Variants in FAP observed in about 807,000 individuals in gnomAD.
The protein encoded by FAP is prolyl endopeptidase FAP.
FAP carries 110 observed loss-of-function variants against 126.5 expected under a neutral mutation model. That is an observed-to-expected ratio of 0.87 (90% confidence interval 0.74 to 1.02). FAP has a LOEUF of 1.02. Ranked by LOEUF, FAP falls within the 50% of genes least tolerant of loss-of-function variation. The pLI is 0.00. For missense variants in FAP, 919 were observed against 909.2 expected (o/e 1.01, Z -0.14); for synonymous variants, 334 against 297.3 (o/e 1.12, Z -1.27).
At chr2:162,211,764 A>G (rs992149641) in intron 11 of FAP, among the ~76,000 whole-genome samples, 1 of 152,212 alleles carries the variant, frequency 6.6e-6, no homozygotes, top group Non-Finnish European at 1.5e-5. Context: ...TCCCCTAACT[A>G]TAAATTTCTT....
intron 2 of FAP, among the ~76,000 whole-genome samples, chr2:162,233,730 C>T (rs1689991621): frequency 6.6e-6 from 1 of 151,888 alleles, no homozygotes. Flanking sequence ...TGATGAAGTC[C>T]AATTTATGTA....
rs1213733070 is a variant in FAP at position 162,183,413 on chromosome 2, C to T, written c.1869+1G>A. ...GGCATAAAAAATATAAAACAACTCACCCAGCCCCATATGGCTATTCTTTTT... is the reference window on the plus strand; with the variant it reads ...GGCATAAAAAATATAAAACAACTCATCCAGCCCCATATGGCTATTCTTTTT... On this transcript the variant is annotated splice_donor_variant, in intron 21 of 25. Transcript: ENST00000188790. LOFTEE classifies it high-confidence loss of function. The T allele has an allele frequency of 1.2e-6, 2 of 1,607,696 alleles. No individual in the cohort carries two copies. Among genetic ancestry groups the T allele is most frequent in the Non-Finnish European group, 1.7e-6 (2 of 1,175,690 alleles).
chr2:162,191,766 A>G (rs1041589167), intron 17 of FAP, among the ~76,000 whole-genome samples: 1 of 152,104 alleles, frequency 6.6e-6, no homozygotes, highest in Non-Finnish European at 1.5e-5. Context: ...TCTGTGCCCA[A>G]AGCAACTAAG....
At chr2:162,213,867 G>T in intron 11 of FAP, 71 bp downstream of exon 11, 1 of 1,452,218 alleles carries the variant, frequency 6.9e-7, no homozygotes. Flanking sequence ...TAAAATGTTA[G>T]CTATGGATGA....
chr2:162,181,291 A>G (rs1559762416), intron 21 of FAP, among the ~76,000 whole-genome samples: 1 of 152,122 alleles, frequency 6.6e-6, no homozygotes, highest in Non-Finnish European at 1.5e-5. Flanking sequence ...AAGAAAAAAA[A>G]TAAAAAAGGT....
intron 20 of FAP, among the ~76,000 whole-genome samples, chr2:162,186,784 GT>G (rs1320803626): frequency 6.6e-6 from 1 of 151,960 alleles, no homozygotes; most frequent in African/African-American, 2.4e-5. Flanking sequence ...GCTAAAAAAA[GT>G]CCCCCATGGA....
Position 162,240,269 on chromosome 2 carries a change from A to C in FAP, c.91+2639T>G, listed in dbSNP as rs144209967. Reference sequence around the variant, plus strand: ...TCGAAAAAAGTTTTTCCTTATAGTTAATATTTTGTAAGTGAGCTAAATGGA... The same window carrying C: ...TCGAAAAAAGTTTTTCCTTATAGTTCATATTTTGTAAGTGAGCTAAATGGA... On this transcript the variant is annotated intron_variant, in intron 2 of 25. Coordinates refer to ENST00000188790, the MANE Select transcript of FAP (RefSeq NM_004460.5). Among the ~76,000 whole-genome samples the C allele has an allele frequency of 1.5e-4, 23 of 152,354 alleles. No individual in the cohort carries two copies. In the East Asian group the frequency reaches 4.2e-3, roughly 28 times the overall value.
chr2:162,215,380 A>G (rs902401555), intron 10 of FAP, among the ~76,000 whole-genome samples: 7 of 152,248 alleles, frequency 4.6e-5, no homozygotes, highest in Non-Finnish European at 7.3e-5. Flanking sequence ...TCAGACAATC[A>G]GACATAGGGC....
Position 162,211,062 on chromosome 2 carries a change from T to C in FAP, c.1003-1066A>G, listed in dbSNP as rs575628611. On this transcript the variant is annotated intron_variant, in intron 11 of 25. Coordinates refer to ENST00000188790, the MANE Select transcript of FAP (RefSeq NM_004460.5). ...CAGGAAATGTATTTCCCAGCCTTCC[T>C]TCAGTTGACCGTGGTTATTTGATAA... 1.1e-4 allele frequency among the ~76,000 whole-genome samples: 16 copies of C among 152,312 alleles called. No homozygotes were observed. The East Asian group carries it at 2.9e-3, about 28-fold the overall frequency.
In FAP at chr2:162,194,588, C is replaced by G. The variant is rs146720863; in HGVS notation, c.1450+113G>C. 5.2e-4 allele frequency: 443 copies of G among 854,346 alleles called. 2 individuals are homozygous for G. The African/African-American group carries it at 6.5e-3, about 13-fold the overall frequency. 52.9% of individuals were successfully genotyped at this position (854,346 alleles called of 1,614,324 possible). A position where few individuals can be genotyped will look rare whatever the true frequency, so the allele number is the denominator to read the frequency against. On this transcript the variant is annotated intron_variant, in intron 17 of 25. Transcript: ENST00000188790. ...TAATAAGTGATGTGATAACAGGATT[C>G]CATCGCAGTTCCCCTTGGTGGTGTG...
intron 17 of FAP, among the ~76,000 whole-genome samples, chr2:162,190,249 T>A (rs1013292812): frequency 6.6e-6 from 1 of 152,096 alleles, no homozygotes; most frequent in African/African-American, 2.4e-5. Flanking sequence ...TTTTAAAATC[T>A]TTCTTTCTTA....
At chr2:162,226,265 G>A (rs1689641757) in intron 3 of FAP, among the ~76,000 whole-genome samples, 1 of 152,088 alleles carries the variant, frequency 6.6e-6, no homozygotes, top group African/African-American at 2.4e-5. Context: ...GATTACAGAA[G>A]TTCAAATTAT....
intron 11 of FAP, among the ~76,000 whole-genome samples, chr2:162,212,907 T>C (rs532820120): frequency 1.3e-5 from 2 of 152,202 alleles, no homozygotes; most frequent in Non-Finnish European, 2.9e-5. Context: ...CAGATTATGT[T>C]TGAGTTTGAG....
At chr2:162,227,107 T>C (rs1189367899) in intron 2 of FAP, among the ~76,000 whole-genome samples, 1 of 152,186 alleles carries the variant, frequency 6.6e-6, no homozygotes, top group Non-Finnish European at 1.5e-5. Context: ...ATCAATGATG[T>C]ATTTTAGCAT....
At chr2:162,237,734 G>A (rs560674879) in intron 2 of FAP, among the ~76,000 whole-genome samples, 1 of 152,280 alleles carries the variant, frequency 6.6e-6, no homozygotes, top group African/African-American at 2.4e-5. Context: ...GGATGGCTGG[G>A]TCAAATGGTA....
At chr2:162,226,658 A>G in intron 2 of FAP, 37 bp from the exon 3 acceptor site, 1 of 1,112,432 alleles carries the variant, frequency 9.0e-7, no homozygotes, top group Non-Finnish European at 1.3e-6. Context: ...TATTAAAAAG[A>G]AGGTTAACAA....
chr2:162,188,076 A>C (rs960347409), intron 20 of FAP, 93 bp downstream of exon 20: 1 of 1,065,404 alleles, frequency 9.4e-7, no homozygotes, highest in Non-Finnish European at 1.4e-6. Flanking sequence ...AAAGAAAAAC[A>C]AAAGAATTAA....
At chr2:162,236,410 A>G (rs1690131030) in intron 2 of FAP, among the ~76,000 whole-genome samples, 2 of 150,604 alleles carry the variant, frequency 1.3e-5, no homozygotes, top group Admixed American at 1.3e-4. Flanking sequence ...AGAATTTGTC[A>G]GTGAAGCCAT....
At chr2:162,226,687 C>T (rs1689667500) in intron 2 of FAP, 66 bp from the exon 3 acceptor site, 1 of 871,924 alleles carries the variant, frequency 1.1e-6, no homozygotes, top group Admixed American at 2.3e-5. Flanking sequence ...AATTCTAAGC[C>T]TGGCCTTCAT....
Sources: gnomAD v4.1 joint callset for allele counts (sites outside exome capture counted in the v4.1 genomes callset) on GRCh38, gnomAD v4.1.1 for gene constraint, MANE v1.5 for transcripts, NCBI Gene and HGNC (gene_info 2026-07-23, HGNC 2026-07-21) for gene names.